SYNE1: variants seen among roughly 807,000 people sequenced by gnomAD.
The protein encoded by SYNE1 is spectrin repeat containing nuclear envelope protein 1, also known as nesprin-1.
Under a neutral mutation model 1,111.0 loss-of-function variants are expected in SYNE1, and 616 were observed. The ratio of observed to expected loss-of-function variants is 0.55; its 90% CI spans 0.52 to 0.59. The LOEUF (loss-of-function observed/expected upper bound fraction) is 0.59, where lower values mean the gene tolerates loss of function less well. Among genes scored for constraint, SYNE1 ranks in the 20% least tolerant of loss-of-function variants. The pLI is 0.00. For missense variants in SYNE1, 10,006 were observed against 10,417.0 expected, an observed-to-expected ratio of 0.96 and a Z score of 1.72; for synonymous variants, 3,855 against 3,825.8, an observed-to-expected ratio of 1.01 and a Z score of -0.28.
At chr6:152,239,738 A>G in intron 107 of SYNE1, 32 bp from the exon 108 acceptor site, 1 of 1,613,188 alleles carries the variant, frequency 6.2e-7, no homozygotes, top group Admixed American at 1.7e-5. Context: ...GAAGTCAGCA[A>G]CTCATTCATA....
chr6:152,350,258 C>G lies in SYNE1; in HGVS notation c.11811G>C (p.Trp3937Cys). Residue 3937 changes from tryptophan to cysteine, a missense_variant, in exon 72 of 146, where the codon TGG becomes TGC. Transcript: ENST00000367255. ...CCAGTCTGCCAGACATCTGCAGCAGCCACTTTTCGACCTCTTGGAGCTCAC... is the reference window on the plus strand; with the variant it reads ...CCAGTCTGCCAGACATCTGCAGCAGGCACTTTTCGACCTCTTGGAGCTCAC... ...YNSELQEVEKWLLQMSGRLVA... is the reference protein window; with the variant it reads ...YNSELQEVEKCLLQMSGRLVA... 1 of 1,614,156 alleles carries G rather than the reference C, an allele frequency of 6.2e-7. No individual in the cohort carries two copies. Among genetic ancestry groups the G allele is most frequent in the African/African-American group, 1.3e-5 (1 of 75,040 alleles).
In SYNE1 at chr6:152,149,563, C is replaced by T. The variant is rs200752692; in HGVS notation, c.24556G>A (p.Glu8186Lys). The change falls in exon 136 of 146, where the codon GAG (glutamate) becomes AAG (lysine). Residue 8186 changes from glutamate to lysine, a missense_variant. Around this residue, in one of 7 missense-constraint regions of SYNE1, gnomAD observed 761 missense variants for 795.5 expected, o/e 0.96. Transcript: ENST00000367255. ...KSEPLDAAII[E>K]EELDELRRYC... ...CGTCGGAGCTCATCTAGTTCCTCCT[C>T]GATGATCGCTGCATCCAAGGGCTCA... 15 of 1,614,154 alleles carry T rather than the reference C, an allele frequency of 9.3e-6. No homozygotes were observed. The highest frequency in any genetic ancestry group is 2.2e-5 in the East Asian group (1 of 44,870).
intron 138 of SYNE1, 149 bp downstream of exon 138, chr6:152,143,474 G>T (rs1045836670): frequency 4.3e-6 from 5 of 1,150,570 alleles, no homozygotes; most frequent in Non-Finnish European, 6.5e-6. Flanking sequence ...CTTAATAACA[G>T]GGCTTGGCTT....
chr6:152,482,678 C>CA (rs2098914203), intron 14 of SYNE1, among the ~76,000 whole-genome samples: 2 of 152,240 alleles, frequency 1.3e-5, no homozygotes, highest in South Asian at 4.2e-4. Flanking sequence ...CTTCTACCCC[C>CA]ACCCCACAGC....
chr6:152,431,934 T>A (rs2098434141), intron 34 of SYNE1, among the ~76,000 whole-genome samples: 1 of 152,180 alleles, frequency 6.6e-6, no homozygotes, highest in South Asian at 2.1e-4. Flanking sequence ...TCAAAAAATA[T>A]AGGTTGTCTA....
At chr6:152,574,426 C>G (rs954904697) in intron 3 of SYNE1, among the ~76,000 whole-genome samples, 5 of 152,022 alleles carry the variant, frequency 3.3e-5, no homozygotes, top group African/African-American at 1.2e-4. Flanking sequence ...CTTGCCTTTC[C>G]TTTCTGCACC....
At chr6:152,533,660 C>T in intron 4 of SYNE1, among the ~76,000 whole-genome samples, 1 of 152,062 alleles carries the variant, frequency 6.6e-6, no homozygotes, top group Admixed American at 6.5e-5. Context: ...CCTCCTTCTG[C>T]CCTTGCTTCT....
intron 135 of SYNE1, among the ~76,000 whole-genome samples, chr6:152,150,470 G>A (rs2060214276): frequency 6.6e-6 from 1 of 152,208 alleles, no homozygotes; most frequent in African/African-American, 2.4e-5. Context: ...GAGATGACAG[G>A]AGAGAGGAAT....
intron 3 of SYNE1, among the ~76,000 whole-genome samples, chr6:152,599,050 G>C (rs938662122): frequency 6.6e-6 from 1 of 152,118 alleles, no homozygotes; most frequent in Non-Finnish European, 1.5e-5. Context: ...CACCCTTCTC[G>C]TGAGATAATA....
rs147005515 is a variant in SYNE1, at chr6:152,362,198, T to A, written c.10271A>T (p.Asp3424Val). The change falls in exon 64 of 146, where the codon GAT (aspartate) becomes GTT (valine). Residue 3424 changes from aspartate (D) to valine (V), a missense_variant. Physicochemically the swap from Asp to Val is radical, Grantham distance 152 (BLOSUM62 -3). Around this residue, in one of 7 missense-constraint regions of SYNE1, gnomAD observed 4,955 missense variants for 5,017.2 expected, o/e 0.99. Coordinates refer to ENST00000367255, the MANE Select transcript of SYNE1 (RefSeq NM_182961.4). ...GGCTTTTCCGAGCATCGTTGTTTTATCCCGCAGCTCCGCATGCTGCCTTTC... is the reference window on the plus strand; with the variant it reads ...GGCTTTTCCGAGCATCGTTGTTTTAACCCGCAGCTCCGCATGCTGCCTTTC... ...ESERQHAELRDKTTMLGKAKL... is the reference protein window; with the variant it reads ...ESERQHAELRVKTTMLGKAKL... The A allele has an allele frequency of 3.1e-6, 5 of 1,614,244 alleles. No homozygotes were observed. Among genetic ancestry groups the A allele is most frequent in the African/African-American group, 1.3e-5 (1 of 75,058 alleles).
intron 85 of SYNE1, 27 bp downstream of exon 85, chr6:152,318,836 A>T (rs368099239): frequency 1.1e-5 from 17 of 1,613,332 alleles, no homozygotes; most frequent in Admixed American, 3.3e-5. Context: ...TTCATTCAGT[A>T]GTACCCTTTA....
chr6:152,419,402 A>G (rs1284940896), intron 40 of SYNE1, among the ~76,000 whole-genome samples, 167 bp downstream of exon 40: 1 of 152,204 alleles, frequency 6.6e-6, no homozygotes, highest in African/African-American at 2.4e-5. Flanking sequence ...GGTCTGCATA[A>G]TTCATTGCCT....
At chr6:152,249,836 A>G (rs7757670) in intron 104 of SYNE1, among the ~76,000 whole-genome samples, 9,667 of 152,244 alleles carry the variant, frequency 0.063, 350 homozygotes, top group East Asian at 0.13. Flanking sequence ...CTTGTTAGGT[A>G]TTTTGTTCAA....
At chr6:152,628,113 C>G in intron 3 of SYNE1, 152 bp downstream of exon 3, 1 of 761,288 alleles carries the variant, frequency 1.3e-6, no homozygotes, top group Non-Finnish European at 2.3e-6. Flanking sequence ...CTGAAGACAG[C>G]ATGGCCCTGT....
chr6:152,482,625 G>GACC (rs1186357859), intron 14 of SYNE1, among the ~76,000 whole-genome samples: 2 of 151,888 alleles, frequency 1.3e-5, no homozygotes, highest in African/African-American at 4.8e-5. Context: ...ATGACTAAGA[G>GACC]ACCATCAAAG....
intron 145 of SYNE1, chr6:152,125,636 T>A (rs966679027): frequency 1.7e-5 from 5 of 299,922 alleles, no homozygotes; most frequent in African/African-American, 1.1e-4. Context: ...AGATGAGTTA[T>A]AACAGAGTGA....
chr6:152,259,667 G>A (rs763170484), intron 101 of SYNE1, among the ~76,000 whole-genome samples: 3 of 151,970 alleles, frequency 2.0e-5, no homozygotes, highest in African/African-American at 7.2e-5. Context: ...TCACCACAAC[G>A]TTGTTAGCGA....
intron 28 of SYNE1, among the ~76,000 whole-genome samples, chr6:152,448,957 C>G (rs950141460): frequency 3.3e-5 from 5 of 152,182 alleles, no homozygotes; most frequent in Non-Finnish European, 4.4e-5. Flanking sequence ...TAAAAATGTT[C>G]AAAGATGAAG....
At chr6:152,540,952 T>G (rs763007174) in intron 3 of SYNE1, among the ~76,000 whole-genome samples, 11 of 152,206 alleles carry the variant, frequency 7.2e-5, no homozygotes, top group Non-Finnish European at 1.5e-4. Context: ...ATCCAGCTGA[T>G]GCCTTAGTTA....
Sources: allele counts gnomAD v4.1 joint callset (sites outside exome capture counted in the v4.1 genomes callset), GRCh38; gene constraint gnomAD v4.1.1; regional missense constraint gnomAD v4.1.1; transcripts MANE v1.5; gene names NCBI Gene and HGNC (gene_info 2026-07-23, HGNC 2026-07-21).